Variants in PTPRO observed in about 807,000 individuals in gnomAD.
PTPRO encodes the protein protein tyrosine phosphatase receptor type O.
Under a neutral mutation model 145.2 loss-of-function variants are expected in PTPRO, and 62 were observed. The ratio of observed to expected loss-of-function variants is 0.43; its 90% CI spans 0.35 to 0.53. The LOEUF (loss-of-function observed/expected upper bound fraction) is 0.53, where lower values mean the gene tolerates loss of function less well. Among genes scored for constraint, PTPRO ranks in the 20% least tolerant of loss-of-function variants. The pLI is 0.01. For missense variants in PTPRO, 1,345 were observed against 1,482.7 expected (o/e 0.91, Z 1.53); for synonymous variants, 565 against 514.7 (o/e 1.10, Z -1.32).
intron 21 of PTPRO, 42 bp downstream of exon 21, chr12:15,580,157 C>A (rs1402214394): frequency 2.0e-6 from 3 of 1,473,288 alleles, no homozygotes; most frequent in Non-Finnish European, 1.9e-6. Flanking sequence ...AGCTAACCAG[C>A]CAGAGAAAGA....
chr12:15,345,395 T>C (rs1591721947), intron 1 of PTPRO, among the ~76,000 whole-genome samples: 1 of 152,182 alleles, frequency 6.6e-6, no homozygotes, highest in Admixed American at 6.5e-5. Context: ...GAAGAAAATG[T>C]GGCACATATG....
chr12:15,457,768 T>C (rs2136390947), intron 1 of PTPRO, among the ~76,000 whole-genome samples: 1 of 152,342 alleles, frequency 6.6e-6, no homozygotes, highest in Admixed American at 6.5e-5. Flanking sequence ...CTTTGTTATA[T>C]TATTGATGTC....
At chr12:15,592,113 T>C (rs1001642638) in intron 25 of PTPRO, among the ~76,000 whole-genome samples, 2 of 152,060 alleles carry the variant, frequency 1.3e-5, no homozygotes, top group South Asian at 2.1e-4. Context: ...GTCTAGAACA[T>C]CTTCTTCATT....
chr12:15,559,555 G>A lies in PTPRO; in HGVS notation c.2628-638G>A, dbSNP rs7310583. 2.9e-3 allele frequency among the ~76,000 whole-genome samples: 442 copies of A among 152,226 alleles called. 4 individuals carry two copies. The highest frequency in any genetic ancestry group is 9.7e-3 in the African/African-American group (403 of 41,532). ...TCCTACTTAGCTGAATATCAGTGAG[G>A]TCACAGACTAAGTAGTTGATGAGCT... On this transcript the variant is annotated intron_variant, in intron 16 of 26. Transcript: ENST00000281171.
In PTPRO at chr12:15,322,847, G is replaced by T; in HGVS notation, c.75+46G>T. ...CTTTTTCCCAGCGGTCCGGGCGGCA[G>T]CCGCGCTCCGGCGCCCTCGCTCTGC... On this transcript the variant is annotated intron_variant, in intron 1 of 26. Transcript: ENST00000281171. This position sits in a 1 kb window ranked among gnomAD's most constrained non-coding sequence, Gnocchi z 6.3. 1 of 1,581,358 alleles carries T rather than the reference G, an allele frequency of 6.3e-7. No individual in the cohort carries two copies. Among genetic ancestry groups the T allele is most frequent in the East Asian group, 2.3e-5 (1 of 43,360 alleles).
chr12:15,352,541 C>T (rs550638819), intron 1 of PTPRO, among the ~76,000 whole-genome samples: 38 of 151,398 alleles, frequency 2.5e-4, no homozygotes, highest in African/African-American at 8.2e-4. Context: ...GTCCCAGCTA[C>T]TCAGGAGGCT....
chr12:15,363,450 A>C (rs1199466966), intron 1 of PTPRO, among the ~76,000 whole-genome samples: 1 of 152,146 alleles, frequency 6.6e-6, no homozygotes, highest in African/African-American at 2.4e-5. Flanking sequence ...GAATTCAAAA[A>C]GACTTTAATA....
At chr12:15,590,140 C>T (rs1445904118) in intron 25 of PTPRO, among the ~76,000 whole-genome samples, 1 of 152,178 alleles carries the variant, frequency 6.6e-6, no homozygotes, top group Non-Finnish European at 1.5e-5. Context: ...ATTATTTTAA[C>T]AACATGGAAG....
chr12:15,478,537 A>G (rs765365234), intron 1 of PTPRO, among the ~76,000 whole-genome samples: 2 of 152,272 alleles, frequency 1.3e-5, no homozygotes, highest in East Asian at 1.9e-4. Context: ...ACCTTTGCGC[A>G]TGTGTGTTTA....
chr12:15,402,199 T>C (rs941237262), intron 1 of PTPRO, among the ~76,000 whole-genome samples: 3 of 151,944 alleles, frequency 2.0e-5, no homozygotes, highest in Non-Finnish European at 4.4e-5. Context: ...ACCATCTTGG[T>C]CAACATGGTG....
chr12:15,453,631 A>G (rs182663216), intron 1 of PTPRO, among the ~76,000 whole-genome samples: 326 of 152,312 alleles, frequency 2.1e-3, no homozygotes, highest in Admixed American at 4.5e-3. Context: ...AGTTAAGTGT[A>G]TATTTGTTTT....
At chr12:15,481,001 C>A (rs557626449) in intron 1 of PTPRO, among the ~76,000 whole-genome samples, 32 of 152,232 alleles carry the variant, frequency 2.1e-4, no homozygotes, top group African/African-American at 7.2e-4. Flanking sequence ...ATGGCCATAA[C>A]TGAAGCAGAA....
chr12:15,547,397 G>A (rs1295768466), intron 13 of PTPRO, among the ~76,000 whole-genome samples: 2 of 152,212 alleles, frequency 1.3e-5, no homozygotes, highest in African/African-American at 2.4e-5. Flanking sequence ...ACAGCCAGAA[G>A]TGAAAGGAAA....
intron 1 of PTPRO, 46 bp from the exon 2 acceptor site, chr12:15,483,928 A>T (rs1226364101): frequency 3.1e-5 from 49 of 1,582,224 alleles, no homozygotes; most frequent in Non-Finnish European, 4.2e-5. Context: ...ATTGCCAATT[A>T]TCTGAATATA....
At position 15,516,800 on chromosome 12, in the gene PTPRO, G is replaced by C. The variant is rs763358819; in HGVS notation, c.1623G>C (p.Leu541Phe). 1.9e-6 allele frequency: 3 copies of C among 1,611,622 alleles called. No individual in the cohort carries two copies. Among genetic ancestry groups the C allele is most frequent in the Non-Finnish European group, 1.7e-6 (2 of 1,177,726 alleles). Residue 541 changes from leucine (L) to phenylalanine (F), a missense_variant, in exon 9 of 27, where the codon TTG (leucine) becomes TTC (phenylalanine). Leu to Phe is a conservative substitution (Grantham distance 22). Around this residue, in one of 3 missense-constraint regions of PTPRO, gnomAD observed 1,130 missense variants for 1,214.7 expected, o/e 0.93. Transcript: ENST00000281171. The part of the protein sequence containing the change: ...TGIKDLMLYP[L>F]GPTAVVLSWT... ...TAAAGGATTTAATGCTCTATCCTTT[G>C]GGTCCTACGGCCGTGGTTCTGAGCT... is the stretch of plus-strand genomic sequence containing the variant.
At chr12:15,409,072 A>T (rs745502905) in intron 1 of PTPRO, among the ~76,000 whole-genome samples, 62 of 152,000 alleles carry the variant, frequency 4.1e-4, no homozygotes, top group Non-Finnish European at 7.8e-4. Context: ...TATAATTATT[A>T]TGTTTAAAAT....
intron 1 of PTPRO, among the ~76,000 whole-genome samples, chr12:15,398,228 G>A (rs562024772): frequency 3.3e-5 from 5 of 152,102 alleles, no homozygotes; most frequent in South Asian, 2.1e-4. Context: ...CGGTAAAAGC[G>A]GTTGTTCACA....
chr12:15,330,447 A>T (rs1461072569), intron 1 of PTPRO, among the ~76,000 whole-genome samples: 1 of 152,156 alleles, frequency 6.6e-6, no homozygotes, highest in Non-Finnish European at 1.5e-5. Flanking sequence ...ACTGTGCTGG[A>T]TAGTCTGCTC....
At chr12:15,517,772 C>T (rs1942629806) in intron 9 of PTPRO, among the ~76,000 whole-genome samples, 2 of 152,232 alleles carry the variant, frequency 1.3e-5, no homozygotes, top group South Asian at 4.1e-4. Context: ...ACATCCAGGT[C>T]ATGCTGATGC....
Sources: gnomAD v4.1 joint callset for allele counts (sites outside exome capture counted in the v4.1 genomes callset) on GRCh38, gnomAD v4.1.1 for gene constraint, gnomAD v4.1.1 regional missense constraint, Gnocchi (gnomAD v3.1) non-coding constraint, MANE v1.5 for transcripts, NCBI Gene and HGNC (gene_info 2026-07-23, HGNC 2026-07-21) for gene names.